DLGAP1: variants seen among roughly 807,000 people sequenced by gnomAD.
DLGAP1 encodes the protein DLG associated protein 1, also known as disks large-associated protein 1.
Under a neutral mutation model 90.8 loss-of-function variants are expected in DLGAP1, and 11 were observed. The ratio of observed to expected loss-of-function variants is 0.12; its 90% CI spans 0.08 to 0.20. The LOEUF is 0.20. DLGAP1 is among the 10% of genes least tolerant of loss of function. DLGAP1 has a pLI of 1.00. For missense variants in DLGAP1, 1,050 were observed against 1,333.8 expected, an observed-to-expected ratio of 0.79 and a Z score of 3.31; for synonymous variants, 558 against 540.7, an observed-to-expected ratio of 1.03 and a Z score of -0.44.
chr18:3,847,106 C>G (rs73374512), intron 4 of DLGAP1, among the ~76,000 whole-genome samples: 2 of 151,936 alleles, frequency 1.3e-5, no homozygotes, highest in African/African-American at 2.4e-5. Context: ...TATAAGGAAG[C>G]TAGGTCAGTA....
chr18:3,653,911 G>C lies in DLGAP1; in HGVS notation c.1592-71663C>G, dbSNP rs2059396014. 1.3e-5 allele frequency: 2 copies of C among 152,134 alleles called. No individual in the cohort carries two copies. Among genetic ancestry groups the C allele is most frequent in the South Asian group, 4.1e-4 (2 of 4,832 alleles). 9.4% of individuals were successfully genotyped at this position (152,134 alleles called of 1,614,324 possible). On this transcript the variant is annotated intron_variant, in intron 7 of 12. Coordinates refer to ENST00000315677, the MANE Select transcript of DLGAP1 (RefSeq NM_004746.4). The surrounding 1 kb of genome is among the most constrained non-coding windows in gnomAD (Gnocchi z 4.6). ...ACGGTAATTAGCTAAGCAGTGGCAA[G>C]GCCGACCATCTGAGGTTTGATTTCT...
chr18:3,828,085 G>A (rs754184067), intron 4 of DLGAP1, among the ~76,000 whole-genome samples: 39 of 152,264 alleles, frequency 2.6e-4, no homozygotes, highest in Non-Finnish European at 4.7e-4. Context: ...GATTGTAGTC[G>A]TGTAGAAGAA....
intron 2 of DLGAP1, among the ~76,000 whole-genome samples, chr18:4,047,567 A>G (rs946524425): frequency 3.9e-5 from 6 of 152,228 alleles, no homozygotes; most frequent in African/African-American, 1.4e-4. Flanking sequence ...CAAACTAGAA[A>G]CCAAATCCCA....
chr18:3,643,535 C>T (rs1174789418), intron 7 of DLGAP1, among the ~76,000 whole-genome samples: 3 of 151,772 alleles, frequency 2.0e-5, no homozygotes, highest in Non-Finnish European at 4.4e-5. Flanking sequence ...TGGTGGCAGG[C>T]GCCTGTAGTT....
chr18:4,251,404 C>A (rs2078776545), intron 1 of DLGAP1, among the ~76,000 whole-genome samples: 1 of 152,158 alleles, frequency 6.6e-6, no homozygotes, highest in Admixed American at 6.5e-5. Flanking sequence ...CAAGGTTGGA[C>A]CACAGGAGTC....
intron 5 of DLGAP1, among the ~76,000 whole-genome samples, chr18:3,786,504 A>G (rs2065456973): frequency 6.6e-6 from 1 of 152,216 alleles, no homozygotes; most frequent in Non-Finnish European, 1.5e-5. Flanking sequence ...GATGTCATCC[A>G]TGGAAAAGGC....
At chr18:4,418,196 G>A (rs1484548999) in intron 1 of DLGAP1, among the ~76,000 whole-genome samples, 1 of 152,150 alleles carries the variant, frequency 6.6e-6, no homozygotes, top group African/African-American at 2.4e-5. Flanking sequence ...TAAAGGCCCA[G>A]CAGAGGGAAA....
chr18:4,283,686 T>C (rs1387064546), intron 1 of DLGAP1, among the ~76,000 whole-genome samples: 4 of 152,198 alleles, frequency 2.6e-5, no homozygotes, highest in Non-Finnish European at 5.9e-5. Context: ...AAAGACCTTT[T>C]CTTGAGAATA....
intron 8 of DLGAP1, among the ~76,000 whole-genome samples, chr18:3,572,659 A>G (rs1313189275): frequency 1.3e-5 from 2 of 152,186 alleles, no homozygotes; most frequent in Non-Finnish European, 2.9e-5. Flanking sequence ...CATGCTGGCC[A>G]GGCTGGTCTC....
At chr18:3,523,783 G>T (rs1265378877) in intron 10 of DLGAP1, among the ~76,000 whole-genome samples, 1 of 151,268 alleles carries the variant, frequency 6.6e-6, no homozygotes, top group Non-Finnish European at 1.5e-5. Flanking sequence ...AGAAGGCGGA[G>T]CTTGCAGTGA....
intron 7 of DLGAP1, among the ~76,000 whole-genome samples, chr18:3,717,246 C>A (rs1277479434): frequency 6.6e-6 from 1 of 152,018 alleles, no homozygotes; most frequent in Non-Finnish European, 1.5e-5. Context: ...GATCAGCAGT[C>A]CATGAAATCT....
At chr18:3,579,906 C>T (rs2145350831) in intron 8 of DLGAP1, among the ~76,000 whole-genome samples, 1 of 152,278 alleles carries the variant, frequency 6.6e-6, no homozygotes, top group South Asian at 2.1e-4. Flanking sequence ...CCTTCACTCC[C>T]ACATCTATGG....
chr18:4,406,297 T>A (rs2089526888), intron 1 of DLGAP1, among the ~76,000 whole-genome samples: 1 of 152,190 alleles, frequency 6.6e-6, no homozygotes, highest in South Asian at 2.1e-4. Flanking sequence ...GCAAAGGCAG[T>A]AACCCCTGGT....
At chr18:3,655,666 C>T (rs2146515347) in intron 7 of DLGAP1, 1 of 162,994 alleles carries the variant, frequency 6.1e-6, no homozygotes, top group East Asian at 1.8e-4. Context: ...AATGACTCTT[C>T]TTGCTCACAT....
At chr18:4,128,156 A>G (rs1351550830) in intron 2 of DLGAP1, among the ~76,000 whole-genome samples, 2 of 152,170 alleles carry the variant, frequency 1.3e-5, no homozygotes, top group African/African-American at 2.4e-5. Context: ...ACAATCAACT[A>G]CCAATTAAAA....
chr18:4,030,317 G>C (rs892667487), intron 2 of DLGAP1, among the ~76,000 whole-genome samples: 1 of 152,180 alleles, frequency 6.6e-6, no homozygotes, highest in African/African-American at 2.4e-5. Flanking sequence ...GCAAATAATA[G>C]GTGCTCAATA....
At position 3,879,678 on chromosome 18, in the gene DLGAP1, G is replaced by C. The variant is rs1344032507; in HGVS notation, c.391C>G (p.Arg131Gly). The change falls in exon 4 of 13, where the codon CGC becomes GGC. Residue 131 changes from arginine (R) to glycine (G), a missense_variant. This residue lies in a region of DLGAP1 where 485 missense variants were observed against 454.1 expected (regional missense o/e 1.07). Coordinates refer to ENST00000315677, the MANE Select transcript of DLGAP1 (RefSeq NM_004746.4). This position sits in a 1 kb window ranked among gnomAD's most constrained non-coding sequence, Gnocchi z 6.6. The part of the protein sequence containing the change: ...LQYKRTAVEH[R>G]SDSPGRIRHL... ...CGGATGCGGCCGGGGCTGTCGCTGC[G>C]GTGCTCCACGGCCGTGCGCTTGTAC... 6.2e-7 allele frequency: 1 copy of C among 1,607,046 alleles called. No homozygotes were observed. Among genetic ancestry groups the C allele is most frequent in the Admixed American group, 1.7e-5 (1 of 59,970 alleles).
intron 7 of DLGAP1, among the ~76,000 whole-genome samples, chr18:3,611,357 A>T (rs1261279097): frequency 2.6e-5 from 4 of 152,022 alleles, no homozygotes; most frequent in African/African-American, 9.6e-5. Context: ...TATAAACTAC[A>T]AGTTTTGGGG....
At chr18:4,387,739 T>A (rs529923857) in intron 1 of DLGAP1, among the ~76,000 whole-genome samples, 82 of 152,280 alleles carry the variant, frequency 5.4e-4, no homozygotes, top group South Asian at 1.7e-3. Flanking sequence ...GGGACTAGCC[T>A]GGCCAGCATG....
Sources: gnomAD v4.1 joint callset for allele counts (sites outside exome capture counted in the v4.1 genomes callset) on GRCh38, gnomAD v4.1.1 for gene constraint, gnomAD v4.1.1 regional missense constraint, Gnocchi (gnomAD v3.1) non-coding constraint, MANE v1.5 for transcripts, NCBI Gene and HGNC (gene_info 2026-07-23, HGNC 2026-07-21) for gene names.